ENAM: variants seen among roughly 807,000 people sequenced by gnomAD.
ENAM encodes the protein amelogenesis imperfecta 2, hypocalcification (autosomal dominant).
In ENAM, 21 loss-of-function variants were observed where a neutral mutation model predicts 33.6. The ratio of observed to expected loss-of-function variants is 0.63; its 90% CI spans 0.44 to 0.90. The LOEUF (loss-of-function observed/expected upper bound fraction) is 0.90, where lower values mean the gene tolerates loss of function less well. ENAM is among the 40% of genes least tolerant of loss of function. ENAM has a pLI of 0.00. For missense variants in ENAM, 1,388 were observed against 1,366.9 expected (o/e 1.02, Z -0.24); for synonymous variants, 473 against 468.4 (o/e 1.01, Z -0.13).
chr4:70,641,849 G>T (rs1738605586), intron 8 of ENAM, among the ~76,000 whole-genome samples, 166 bp from the exon 9 acceptor site: 1 of 152,096 alleles, frequency 6.6e-6, no homozygotes, highest in Non-Finnish European at 1.5e-5. Flanking sequence ...GAAAGAGTAT[G>T]GTCATGGAAA....
Position 70,634,510 on chromosome 4 carries a change from C to A in ENAM, c.413C>A (p.Pro138His). 1 of 1,614,118 alleles carries A rather than the reference C, an allele frequency of 6.2e-7. No homozygotes were observed. The highest frequency in any genetic ancestry group is 1.7e-5 in the Admixed American group (1 of 60,016). Residue 138 changes from proline (P) to histidine (H), a missense_variant, in exon 6 of 9, where the codon CCT becomes CAT. Coordinates refer to ENST00000396073, the MANE Select transcript of ENAM (RefSeq NM_031889.3). ...TQSKKPPQKR[P>H]LKQPSHNQPQ... ...TCAAAAAAGCCACCACAAAAGCGGC[C>A]TTTGAAGCAGCCATCACATAATCAA...
In ENAM at chr4:70,643,341, C is replaced by T; in HGVS notation, c.1915C>T (p.Pro639Ser). The T allele has an allele frequency of 6.2e-7, 1 of 1,613,918 alleles. No individual in the cohort carries two copies. The highest frequency in any genetic ancestry group is 8.5e-7 in the Non-Finnish European group (1 of 1,179,928). ...TMGQKESPLY[P>S]INTPDQKEIV... The stretch of plus-strand genomic sequence containing the variant: ...GGGGCAAAAAGAAAGTCCACTCTAC[C>T]CCATAAATACCCCAGACCAGAAGGA... The change falls in exon 9 of 9, where the codon CCC becomes TCC. Residue 639 changes from proline to serine, a missense_variant. Pro to Ser is a moderately conservative substitution (Grantham distance 74, BLOSUM62 -1). Transcript: ENST00000396073.
intron 7 of ENAM, 112 bp downstream of exon 7, chr4:70,636,006 G>T: frequency 5.1e-6 from 3 of 584,140 alleles, no homozygotes; most frequent in Non-Finnish European, 9.1e-6. Context: ...CCAATCAGTA[G>T]ATGGTATGAA....
Position 70,642,290 on chromosome 4 carries a change from G to C in ENAM, c.864G>C (p.Gly288=). The change falls in exon 9 of 9, where the codon GGG becomes GGC. Residue 288 remains glycine, a synonymous_variant. Coordinates refer to ENST00000396073, the MANE Select transcript of ENAM (RefSeq NM_031889.3). ...NTGNNPPAQN[G]IGPLPAVNAS... ...GGAACAACCCTCCAGCTCAAAATGGGATTGGCCCACTCCCTGCAGTCAACG... is the reference window on the plus strand; with the variant it reads ...GGAACAACCCTCCAGCTCAAAATGGCATTGGCCCACTCCCTGCAGTCAACG... The C allele has an allele frequency of 6.2e-7, 1 of 1,614,110 alleles. No homozygotes were observed.
chr4:70,640,704 T>C (rs76659945), intron 8 of ENAM, among the ~76,000 whole-genome samples: 2,863 of 152,228 alleles, frequency 0.019, 79 homozygotes, highest in African/African-American at 0.054. Context: ...CATCTCCATA[T>C]TACAAATGAA....
chr4:70,633,608 T>A (rs1738377364), intron 5 of ENAM, among the ~76,000 whole-genome samples: 1 of 152,142 alleles, frequency 6.6e-6, no homozygotes, highest in Admixed American at 6.5e-5. Flanking sequence ...AGGGAGGAAA[T>A]ATTTGAATGA....
At position 70,645,223 on chromosome 4, in the gene ENAM, TTTC is replaced by T; in HGVS notation, c.*369_*371del. The T allele has an allele frequency of 8.9e-6, 3 of 337,170 alleles. No homozygotes were observed. The highest frequency in any genetic ancestry group is 1.6e-5 in the Non-Finnish European group (3 of 185,766). The allele number at this position is 337,170 out of a possible 1,614,324, so 20.9% of individuals were successfully genotyped here. The stretch of plus-strand genomic sequence containing the variant: ...TTTCAAGACTGAAAGGCAGATTAAC[TTTC>T]CATTCTACTTATGGAGATCCACACA... On this transcript the variant is annotated 3_prime_UTR_variant, in exon 9 of 9. Coordinates refer to ENST00000396073, the MANE Select transcript of ENAM (RefSeq NM_031889.3).
Position 70,635,822 on chromosome 4 carries a change from TTCTC to T in ENAM, c.472-6_472-3del, listed in dbSNP as rs762891571. 1.9e-6 allele frequency: 3 copies of T among 1,569,372 alleles called. No individual in the cohort carries two copies. The East Asian group carries it at 6.7e-5, about 35-fold the overall frequency. ...ATACCACATCACTCTGATTCTTTCTTTCTCTCTAGGCATTCCCACCATTTGGAAA... is the reference window on the plus strand; with the variant it reads ...ATACCACATCACTCTGATTCTTTCTTTCTAGGCATTCCCACCATTTGGAAA... On this transcript the variant is annotated splice_region_variant and splice_polypyrimidine_tract_variant and intron_variant, in intron 6 of 8. Coordinates refer to ENST00000396073, the MANE Select transcript of ENAM (RefSeq NM_031889.3).
rs1577972738 is a variant in ENAM, at chr4:70,642,731, T to G, written c.1305T>G (p.Asn435Lys). The G allele has an allele frequency of 2.5e-6, 4 of 1,605,814 alleles. No homozygotes were observed. In the East Asian group the frequency reaches 8.9e-5, roughly 36 times the overall value. Residue 435 changes from asparagine to lysine, a missense_variant, in exon 9 of 9, where the codon AAT becomes AAG. By Grantham distance (94) the Asn-to-Lys change is moderately conservative. Transcript: ENST00000396073. ...GPVVRNEKIQ[N>K]PKEKPLGPKE... ...TTGTTCGCAATGAAAAAATCCAAAA[T>G]CCAAAGGAGAAGCCCCTGGGTCCAA... is the stretch of plus-strand genomic sequence containing the variant.
Position 70,644,770 on chromosome 4 carries a change from C to A in ENAM, c.3344C>A (p.Ala1115Glu), listed in dbSNP as rs1228776954. 1 of 1,613,878 alleles carries A rather than the reference C, an allele frequency of 6.2e-7. No homozygotes were observed. Among genetic ancestry groups the A allele is most frequent in the Non-Finnish European group, 8.5e-7 (1 of 1,179,876 alleles). Residue 1115 changes from alanine (A) to glutamate (E), a missense_variant, in exon 9 of 9, where the codon GCA becomes GAA. Coordinates refer to ENST00000396073, the MANE Select transcript of ENAM (RefSeq NM_031889.3). The part of the protein sequence containing the change: ...FKSINVDPLD[A>E]DEHSPFEFLQ... ...AGTATAAATGTAGACCCACTTGATG[C>A]AGATGAACACAGTCCATTTGAATTC...
In ENAM at chr4:70,643,449, T is replaced by G; in HGVS notation, c.2023T>G (p.Leu675Val). 6.2e-7 allele frequency: 1 copy of G among 1,613,034 alleles called. No individual in the cohort carries two copies. The highest frequency in any genetic ancestry group is 1.1e-5 in the South Asian group (1 of 90,992). The change falls in exon 9 of 9, where the codon TTG (leucine) becomes GTG (valine). Residue 675 changes from leucine (L) to valine (V), a missense_variant. Leu to Val is a conservative substitution (Grantham distance 32). Coordinates refer to ENST00000396073, the MANE Select transcript of ENAM (RefSeq NM_031889.3). ...FPGQNRWGEE[L>V]SFKGGPTVRH... is the part of the protein sequence containing the mutation. ...TGGACAAAATAGATGGGGTGAAGAGTTGAGCTTCAAAGGAGGCCCAACAGT... is the reference window on the plus strand; with the variant it reads ...TGGACAAAATAGATGGGGTGAAGAGGTGAGCTTCAAAGGAGGCCCAACAGT...
intron 8 of ENAM, among the ~76,000 whole-genome samples, chr4:70,639,446 C>T (rs566949650): frequency 4.6e-5 from 7 of 151,782 alleles, no homozygotes; most frequent in Admixed American, 4.6e-4. Flanking sequence ...AAAAATTAGC[C>T]GGGTATGGTG....
chr4:70,646,638 C>T lies in ENAM; in HGVS notation c.*1783C>T, dbSNP rs1738769218. On this transcript the variant is annotated 3_prime_UTR_variant, in exon 9 of 9. Transcript: ENST00000396073. ...TTTATATATTCAGCAACATTTCCAT[C>T]ATAGAATTTCAGCGTTAGAAGGGAT... The T allele has an allele frequency of 6.6e-6, 1 of 152,144 alleles. No homozygotes were observed. The highest frequency in any genetic ancestry group is 2.1e-4 in the South Asian group (1 of 4,832). The allele number at this position is 152,144 out of a possible 1,614,324, so 9.4% of individuals were successfully genotyped here. A position where few individuals can be genotyped will look rare whatever the true frequency, so the allele number is the denominator to read the frequency against.
At chr4:70,640,431 G>A (rs575376961) in intron 8 of ENAM, among the ~76,000 whole-genome samples, 14 of 152,268 alleles carry the variant, frequency 9.2e-5, no homozygotes, top group South Asian at 4.1e-4. Flanking sequence ...TGAATAAGCC[G>A]TGTGCAAAGG....
In ENAM at chr4:70,643,618, A is replaced by C; in HGVS notation, c.2192A>C (p.Tyr731Ser). The change falls in exon 9 of 9, where the codon TAT (tyrosine) becomes TCT (serine). Residue 731 changes from tyrosine to serine, a missense_variant. Physicochemically the swap from Tyr to Ser is moderately radical, Grantham distance 144 (BLOSUM62 -2). Coordinates refer to ENST00000396073, the MANE Select transcript of ENAM (RefSeq NM_031889.3). ...PWSPDENFPS[Y>S]NTASTMPPPI... ...AGCCCGGATGAGAATTTTCCATCAT[A>C]TAATACAGCTTCTACTATGCCACCA... 1.2e-6 allele frequency: 2 copies of C among 1,614,134 alleles called. No individual in the cohort carries two copies. Among genetic ancestry groups the C allele is most frequent in the Non-Finnish European group, 1.7e-6 (2 of 1,180,008 alleles).
chr4:70,639,691 C>A (rs889595615), intron 8 of ENAM, among the ~76,000 whole-genome samples: 4 of 152,048 alleles, frequency 2.6e-5, no homozygotes, highest in African/African-American at 9.7e-5. Flanking sequence ...TCACTTAAGC[C>A]CAGGATTTCA....
chr4:70,630,067 C>T (rs1738271089), intron 2 of ENAM, among the ~76,000 whole-genome samples: 1 of 152,114 alleles, frequency 6.6e-6, no homozygotes. Context: ...ATACTAAACA[C>T]TCTAAAATAA....
At chr4:70,641,197 G>GGTACTCA (rs1411116589) in intron 8 of ENAM, among the ~76,000 whole-genome samples, 4 of 152,246 alleles carry the variant, frequency 2.6e-5, no homozygotes, top group East Asian at 1.9e-4. Context: ...CCAGTTCTGG[G>GGTACTCA]TGCATTCAGT....
In ENAM at chr4:70,642,851, C is replaced by T. The variant is rs545936768; in HGVS notation, c.1425C>T (p.His475=). The T allele has an allele frequency of 8.6e-5, 138 of 1,613,862 alleles. No individual in the cohort carries two copies. Among genetic ancestry groups the T allele is most frequent in the Middle Eastern group, 1.6e-4 (1 of 6,084 alleles). Residue 475 remains histidine, a synonymous_variant, in exon 9 of 9, where the codon CAC becomes CAT. Transcript: ENST00000396073. ...EVNKSNYKLP[H]SEGYMPVPNF... is the part of the protein sequence containing the mutation. ...ATAAATCAAATTATAAACTGCCTCA[C>T]TCTGAGGGTTATATGCCAGTCCCAA... is the stretch of plus-strand genomic sequence containing the variant.
Sources: gnomAD v4.1 joint callset for allele counts (sites outside exome capture counted in the v4.1 genomes callset) on GRCh38, gnomAD v4.1.1 for gene constraint, MANE v1.5 for transcripts, NCBI Gene and HGNC (gene_info 2026-07-23, HGNC 2026-07-21) for gene names.